Variants in JMJD1C observed in about 807,000 individuals in gnomAD.
The protein encoded by JMJD1C is jumonji domain-containing protein 1C.
In JMJD1C, 31 loss-of-function variants were observed where a neutral mutation model predicts 245.3. The ratio of observed to expected loss-of-function variants is 0.13; its 90% CI spans 0.09 to 0.17. JMJD1C has a LOEUF of 0.17. JMJD1C is among the 10% of genes least tolerant of loss of function. The pLI, the probability that JMJD1C is intolerant of heterozygous loss-of-function variation, is 1.00. For missense variants in JMJD1C, 2,691 were observed against 3,000.2 expected, an observed-to-expected ratio of 0.90 and a Z score of 2.41; for synonymous variants, 1,057 against 1,017.4, an observed-to-expected ratio of 1.04 and a Z score of -0.74.
At chr10:63,348,092 T>C (rs749767639) in intron 2 of JMJD1C, among the ~76,000 whole-genome samples, 3 of 151,794 alleles carry the variant, frequency 2.0e-5, no homozygotes, top group Non-Finnish European at 2.9e-5. Flanking sequence ...GGCGCATGCT[T>C]GCAATCCCAG....
At chr10:63,487,708 G>C (rs1184868229) in intron 1 of JMJD1C, among the ~76,000 whole-genome samples, 2 of 152,170 alleles carry the variant, frequency 1.3e-5, no homozygotes, top group African/African-American at 4.8e-5. Flanking sequence ...GATCAATGAG[G>C]GGGACAAAGT....
intron 2 of JMJD1C, among the ~76,000 whole-genome samples, chr10:63,305,459 C>CCTCTCTCTCCTCTCT (rs376337438): frequency 8.8e-6 from 1 of 113,022 alleles, no homozygotes; most frequent in African/African-American, 3.4e-5. Flanking sequence ...ACGCTCTGAC[C>CCTCTCTCTCCTCTCT]CTCTCTCTCT....
chr10:63,458,884 T>C (rs752648966), intron 1 of JMJD1C, among the ~76,000 whole-genome samples: 5 of 152,034 alleles, frequency 3.3e-5, no homozygotes, highest in African/African-American at 4.8e-5. Context: ...CCACCACGCC[T>C]GGCTACTTTT....
rs12258939 is a variant in JMJD1C at position 63,388,327 on chromosome 10, T to C, written c.169-7845A>G. On this transcript the variant is annotated intron_variant, in intron 1 of 25. Transcript: ENST00000399262. ...TACAGGGCAGAAGACAATGGGATAA[T>C]AGGTTCAAAAAGCTGAAGGAGAAAA... 8.7e-3 allele frequency among the ~76,000 whole-genome samples: 1,298 copies of C among 148,984 alleles called. 21 individuals are homozygous for C. The highest frequency in any genetic ancestry group is 0.031 in the African/African-American group (1,258 of 40,572).
intron 1 of JMJD1C, among the ~76,000 whole-genome samples, chr10:63,433,769 T>G (rs944260702): frequency 6.6e-6 from 1 of 151,296 alleles, no homozygotes; most frequent in Non-Finnish European, 1.5e-5. Flanking sequence ...TTTGTACATA[T>G]GGGGTCCCAC....
chr10:63,508,068 ATTAACT>A (rs929506332), intron 1 of JMJD1C, among the ~76,000 whole-genome samples: 2 of 151,842 alleles, frequency 1.3e-5, no homozygotes, highest in African/African-American at 4.9e-5. Flanking sequence ...GAAAAAAAAA[ATTAACT>A]TTAATGAAAT....
chr10:63,237,464 T>C (rs1850883950), intron 3 of JMJD1C, among the ~76,000 whole-genome samples: 1 of 152,232 alleles, frequency 6.6e-6, no homozygotes, highest in Non-Finnish European at 1.5e-5. Flanking sequence ...ATGATGAATC[T>C]ATAAATGAAC....
intron 1 of JMJD1C, among the ~76,000 whole-genome samples, chr10:63,399,608 ATAATAC>A (rs1948728665): frequency 6.6e-6 from 1 of 152,196 alleles, no homozygotes; most frequent in Non-Finnish European, 1.5e-5. Context: ...TCTAGAAATA[ATAATAC>A]TAACACTATG....
chr10:63,195,766 A>C (rs572713100), intron 13 of JMJD1C, among the ~76,000 whole-genome samples: 2 of 151,494 alleles, frequency 1.3e-5, no homozygotes, highest in Admixed American at 6.6e-5. Flanking sequence ...GTCCCTACTA[A>C]AAATACAAAA....
chr10:63,449,669 G>C (rs1159055154), intron 1 of JMJD1C, among the ~76,000 whole-genome samples: 2 of 151,962 alleles, frequency 1.3e-5, no homozygotes, highest in African/African-American at 4.8e-5. Context: ...ACAAACACAG[G>C]ACGTATATGA....
chr10:63,333,186 T>C (rs1294878610), intron 2 of JMJD1C, among the ~76,000 whole-genome samples: 4 of 152,132 alleles, frequency 2.6e-5, no homozygotes, highest in Non-Finnish European at 5.9e-5. Flanking sequence ...AAAGGCATGA[T>C]ACAAAATTTT....
chr10:63,349,100 C>CAAAAAAAAAAAAAA (rs71463516), intron 2 of JMJD1C, among the ~76,000 whole-genome samples: 2 of 34,866 alleles, frequency 5.7e-5, no homozygotes, highest in African/African-American at 1.2e-4. Context: ...GACTCTGTCT[C>CAAAAAAAAAAAAAA]AAAAAAAAAA....
intron 2 of JMJD1C, among the ~76,000 whole-genome samples, chr10:63,362,958 T>C (rs774315395): frequency 6.6e-6 from 1 of 152,180 alleles, no homozygotes; most frequent in African/African-American, 2.4e-5. Flanking sequence ...GTATTTATTA[T>C]TGTTCTTTTC....
intron 3 of JMJD1C, among the ~76,000 whole-genome samples, chr10:63,253,471 C>T (rs1853395062): frequency 6.6e-6 from 1 of 151,946 alleles, no homozygotes; most frequent in South Asian, 2.1e-4. Context: ...GCAACCTCTG[C>T]CTCCCGGGCT....
intron 1 of JMJD1C, among the ~76,000 whole-genome samples, chr10:63,382,277 A>G (rs955935685): frequency 3.4e-4 from 52 of 152,140 alleles, no homozygotes; most frequent in African/African-American, 1.3e-3. Flanking sequence ...TTCTGTCATA[A>G]TTGTTTCCTT....
chr10:63,489,226 C>G (rs980774671), intron 1 of JMJD1C, among the ~76,000 whole-genome samples: 1 of 152,078 alleles, frequency 6.6e-6, no homozygotes, highest in Non-Finnish European at 1.5e-5. Context: ...ATGGCGATAC[C>G]CTGTCTCTAC....
intron 11 of JMJD1C, among the ~76,000 whole-genome samples, chr10:63,199,717 G>A (rs1039010543): frequency 4.6e-5 from 7 of 151,906 alleles, no homozygotes; most frequent in Admixed American, 1.3e-4. Flanking sequence ...AGGGATTGTT[G>A]GCTACAAAGT....
chr10:63,196,152 G>A (rs1266840680), intron 13 of JMJD1C, among the ~76,000 whole-genome samples: 2 of 149,048 alleles, frequency 1.3e-5, no homozygotes, highest in African/African-American at 2.5e-5. Flanking sequence ...CCAGCTACTC[G>A]GGAGGCTGAG....
At chr10:63,374,235 A>C (rs1164409390) in intron 2 of JMJD1C, among the ~76,000 whole-genome samples, 3 of 152,212 alleles carry the variant, frequency 2.0e-5, no homozygotes, top group Non-Finnish European at 4.4e-5. Flanking sequence ...ACAATTCACT[A>C]AAAATACAAG....
Sources: allele counts gnomAD v4.1 joint callset (sites outside exome capture counted in the v4.1 genomes callset), GRCh38; gene constraint gnomAD v4.1.1; transcripts MANE v1.5; gene names NCBI Gene and HGNC (gene_info 2026-07-23, HGNC 2026-07-21).